Variants in IMMP2L observed in about 807,000 individuals in gnomAD.
The protein encoded by IMMP2L is mitochondrial inner membrane protease subunit 2.
In IMMP2L, 18 loss-of-function variants were observed where a neutral mutation model predicts 19.3. The ratio of observed to expected loss-of-function variants is 0.93; its 90% CI spans 0.64 to 1.38. IMMP2L has a LOEUF of 1.38. Among genes scored for constraint, IMMP2L ranks in the 40% most tolerant of loss-of-function variants. IMMP2L has a pLI of 0.00. For missense variants in IMMP2L, 233 were observed against 218.2 expected (o/e 1.07, Z -0.43); for synonymous variants, 76 against 73.0 (o/e 1.04, Z -0.21).
At chr7:111,302,619 A>G (rs1227820114) in intron 3 of IMMP2L, among the ~76,000 whole-genome samples, 1 of 152,166 alleles carries the variant, frequency 6.6e-6, no homozygotes, top group Non-Finnish European at 1.5e-5. Flanking sequence ...GAGAGGTTAA[A>G]TAACCAAATC....
chr7:111,300,248 T>C (rs1822076592), intron 3 of IMMP2L, among the ~76,000 whole-genome samples: 1 of 152,118 alleles, frequency 6.6e-6, no homozygotes, highest in Non-Finnish European at 1.5e-5. Context: ...CTCAATTCTG[T>C]TTGCATAGCA....
intron 3 of IMMP2L, among the ~76,000 whole-genome samples, chr7:111,182,597 G>A (rs1307738125): frequency 1.3e-5 from 2 of 151,550 alleles, no homozygotes; most frequent in Non-Finnish European, 2.9e-5. Context: ...AGAGTACAAA[G>A]TACCCACCGA....
intron 3 of IMMP2L, among the ~76,000 whole-genome samples, chr7:111,052,357 C>T (rs1793085907): frequency 6.6e-6 from 1 of 152,150 alleles, no homozygotes; most frequent in South Asian, 2.1e-4. Flanking sequence ...TGATCTATTA[C>T]TATATAACAA....
chr7:111,297,978 T>C (rs1481717261), intron 3 of IMMP2L, among the ~76,000 whole-genome samples: 1 of 152,096 alleles, frequency 6.6e-6, no homozygotes, highest in Non-Finnish European at 1.5e-5. Flanking sequence ...ATATATTGAT[T>C]GTGATGTTGG....
intron 5 of IMMP2L, among the ~76,000 whole-genome samples, chr7:110,788,387 T>C (rs1391759743): frequency 6.6e-6 from 1 of 151,980 alleles, no homozygotes; most frequent in Non-Finnish European, 1.5e-5. Flanking sequence ...AAATACTTGC[T>C]TTTCTTGGCT....
At chr7:110,956,546 G>A (rs924137120) in intron 4 of IMMP2L, among the ~76,000 whole-genome samples, 1 of 151,886 alleles carries the variant, frequency 6.6e-6, no homozygotes, top group Non-Finnish European at 1.5e-5. Flanking sequence ...GCAACCATTT[G>A]TTTCTGCTTG....
intron 5 of IMMP2L, among the ~76,000 whole-genome samples, chr7:110,671,908 A>G (rs1414456790): frequency 6.6e-6 from 1 of 152,132 alleles, no homozygotes; most frequent in Non-Finnish European, 1.5e-5. Context: ...AGGCACTTCT[A>G]CCATGTGAGG....
At chr7:111,186,041 C>A (rs1170298424) in intron 3 of IMMP2L, among the ~76,000 whole-genome samples, 5 of 151,972 alleles carry the variant, frequency 3.3e-5, no homozygotes, top group Non-Finnish European at 5.9e-5. Flanking sequence ...TATGAAGAAA[C>A]AAATATATAA....
intron 3 of IMMP2L, among the ~76,000 whole-genome samples, chr7:111,203,663 A>G (rs1276133751): frequency 1.3e-5 from 2 of 151,670 alleles, no homozygotes; most frequent in Non-Finnish European, 2.9e-5. Flanking sequence ...ATCACCATCA[A>G]ACATTAGGTA....
At chr7:110,968,383 C>T (rs1178941075) in intron 3 of IMMP2L, among the ~76,000 whole-genome samples, 1 of 151,982 alleles carries the variant, frequency 6.6e-6, no homozygotes, top group Non-Finnish European at 1.5e-5. Flanking sequence ...TGAGAAAAGT[C>T]CACTGGAGGC....
At chr7:111,134,315 T>C (rs1802129064) in intron 3 of IMMP2L, among the ~76,000 whole-genome samples, 2 of 152,024 alleles carry the variant, frequency 1.3e-5, no homozygotes, top group Admixed American at 1.3e-4. Flanking sequence ...ATCTTCTCTA[T>C]TATGTTTCCA....
intron 3 of IMMP2L, among the ~76,000 whole-genome samples, chr7:111,064,132 G>A (rs1794281703): frequency 6.6e-6 from 1 of 152,176 alleles, no homozygotes; most frequent in African/African-American, 2.4e-5. Context: ...CCACGTGGCT[G>A]TGGAAGACAA....
At chr7:111,106,862 A>G (rs185934281) in intron 3 of IMMP2L, among the ~76,000 whole-genome samples, 45 of 151,772 alleles carry the variant, frequency 3.0e-4, no homozygotes, top group Non-Finnish European at 1.0e-4. Flanking sequence ...ATAATTGGAG[A>G]AATGTGTGCT....
chr7:111,122,942 A>G (rs563052285), intron 3 of IMMP2L: 5 of 1,613,894 alleles, frequency 3.1e-6, no homozygotes, highest in Non-Finnish European at 3.4e-6. Context: ...GATTGTAATG[A>G]TTTAGGTCTT....
At chr7:110,742,912 T>C (rs947628973) in intron 5 of IMMP2L, among the ~76,000 whole-genome samples, 1 of 152,134 alleles carries the variant, frequency 6.6e-6, no homozygotes, top group Admixed American at 6.6e-5. Context: ...TTCACACACA[T>C]GGACATTCCT....
chr7:110,690,505 A>G (rs1037363519), intron 5 of IMMP2L, among the ~76,000 whole-genome samples: 5 of 152,126 alleles, frequency 3.3e-5, no homozygotes, highest in African/African-American at 1.2e-4. Context: ...TGAAAAAGGG[A>G]AAGTCAGACT....
chr7:110,979,454 T>C (rs1234485634), intron 3 of IMMP2L, among the ~76,000 whole-genome samples: 1 of 152,100 alleles, frequency 6.6e-6, no homozygotes. Context: ...AGTCTATCAT[T>C]ACTAGTTTTT....
At chr7:110,860,923 T>C (rs17158049) in intron 5 of IMMP2L, among the ~76,000 whole-genome samples, 14,561 of 152,074 alleles carry the variant, frequency 0.096, 1,064 homozygotes, top group African/African-American at 0.2. Flanking sequence ...TCTAGTCAAA[T>C]AATAATGGAT....
intron 4 of IMMP2L, among the ~76,000 whole-genome samples, chr7:110,913,198 A>C (rs1813242406): frequency 6.6e-6 from 1 of 152,158 alleles, no homozygotes; most frequent in Non-Finnish European, 1.5e-5. Flanking sequence ...GTACCAGTAG[A>C]CTAATAACCA....
Sources: allele counts gnomAD v4.1 joint callset (sites outside exome capture counted in the v4.1 genomes callset), GRCh38; gene constraint gnomAD v4.1.1; transcripts MANE v1.5; gene names NCBI Gene and HGNC (gene_info 2026-07-23, HGNC 2026-07-21).